NFASC: variants seen among roughly 807,000 people sequenced by gnomAD.
NFASC encodes neurofascin homolog.
NFASC carries 43 observed loss-of-function variants against 147.5 expected under a neutral mutation model. The ratio of observed to expected loss-of-function variants is 0.29; its 90% CI spans 0.23 to 0.38. The LOEUF (loss-of-function observed/expected upper bound fraction) is 0.38, where lower values mean the gene tolerates loss of function less well. Among genes scored for constraint, NFASC ranks in the 10% least tolerant of loss-of-function variants. The probability of loss-of-function intolerance (pLI) is 1.00; values close to 1 mark genes in which losing one functional copy is unlikely to be tolerated. For synonymous variants in NFASC, 622 were observed against 665.5 expected (o/e 0.93, Z 1.01); for missense variants, 1,320 against 1,689.0 (o/e 0.78, Z 3.83).
At chr1:204,962,360 C>T (rs1453405949) in intron 8 of NFASC, among the ~76,000 whole-genome samples, 1 of 152,240 alleles carries the variant, frequency 6.6e-6, no homozygotes, top group Non-Finnish European at 1.5e-5. Flanking sequence ...TCTCCTCTAA[C>T]AGGCATGCCT....
At position 204,982,023 on chromosome 1, in the gene NFASC, G is replaced by A; in HGVS notation, c.2470+3G>A. 6.5e-7 allele frequency: 1 copy of A among 1,544,030 alleles called. No individual in the cohort carries two copies. Among genetic ancestry groups the A allele is most frequent in the Middle Eastern group, 1.7e-4 (1 of 5,776 alleles). On this transcript the variant is annotated splice_donor_region_variant and intron_variant, in intron 21 of 29. Coordinates refer to ENST00000339876, the MANE Select transcript of NFASC (RefSeq NM_001005388.3). The stretch of plus-strand genomic sequence containing the variant: ...CATCGGTTACTCCGGAGAAGATTGT[G>A]AGTAGTCTCCTCCCCGTCCCCCCAT...
At chr1:204,869,749 C>T (rs923724990) in intron 1 of NFASC, among the ~76,000 whole-genome samples, 1 of 152,142 alleles carries the variant, frequency 6.6e-6, no homozygotes, top group Admixed American at 6.5e-5. Context: ...GAACCCAGGT[C>T]GCCTGCTCCA....
At chr1:204,973,708 G>T (rs769119560) in intron 12 of NFASC, among the ~76,000 whole-genome samples, 4 of 150,752 alleles carry the variant, frequency 2.7e-5, no homozygotes, top group African/African-American at 7.5e-5. Flanking sequence ...AATTCCATCA[G>T]AGCAGTCAAT....
At position 204,975,337 on chromosome 1, in the gene NFASC, A is replaced by C. The variant is rs1183557128; in HGVS notation, c.1625A>C (p.Glu542Ala). The change falls in exon 15 of 30, where the codon GAG (glutamate) becomes GCG (alanine). Residue 542 changes from glutamate (E) to alanine (A), a missense_variant. Transcript: ENST00000339876. This position sits in a 1 kb window ranked among gnomAD's most constrained non-coding sequence, Gnocchi z 4.0. Reference protein sequence around the residue: ...VARRGTTVQLECRVKHDPSLK... With the variant: ...VARRGTTVQLACRVKHDPSLK... ...AGAAGGGGCACCACGGTGCAGCTGG[A>C]GTGTCGGGTGAAGCACGACCCCTCC... 1.2e-6 allele frequency: 2 copies of C among 1,613,944 alleles called. No homozygotes were observed. The highest frequency in any genetic ancestry group is 1.7e-6 in the Non-Finnish European group (2 of 1,179,952).
intron 1 of NFASC, among the ~76,000 whole-genome samples, chr1:204,872,638 G>T (rs1047522779): frequency 1.3e-5 from 2 of 152,148 alleles, no homozygotes; most frequent in African/African-American, 4.8e-5. Context: ...CATTTGCTGT[G>T]GGAGGCTTCC....
chr1:204,968,102 T>TA lies in NFASC; in HGVS notation c.707-145dup. ...CCTGGGCTTCCTAACACACCTCACT[T>TA]AATGATGCCCAAGTCCTTGGGATGG... On this transcript the variant is annotated intron_variant, in intron 8 of 29. Coordinates refer to ENST00000339876, the MANE Select transcript of NFASC (RefSeq NM_001005388.3). The surrounding 1 kb of genome is among the most constrained non-coding windows in gnomAD (Gnocchi z 5.4). 1.6e-6 allele frequency: 1 copy of TA among 630,716 alleles called. No individual in the cohort carries two copies. Among genetic ancestry groups the TA allele is most frequent in the Non-Finnish European group, 2.9e-6 (1 of 347,542 alleles). The allele number at this position is 630,716 out of a possible 1,614,324, so 39.1% of individuals were successfully genotyped here. A position where few individuals can be genotyped will look rare whatever the true frequency, so the allele number is the denominator to read the frequency against.
intron 21 of NFASC, among the ~76,000 whole-genome samples, chr1:204,985,219 T>C (rs566431548): frequency 6.6e-6 from 1 of 152,272 alleles, no homozygotes; most frequent in African/African-American, 2.4e-5. Context: ...AATTAGAGAC[T>C]TCTTGTTGCC....
rs753662570 is a variant in NFASC at position 204,981,914 on chromosome 1, G to A, written c.2364G>A (p.Val788=). The A allele has an allele frequency of 1.2e-6, 2 of 1,609,476 alleles. No homozygotes were observed. Among genetic ancestry groups the A allele is most frequent in the South Asian group, 1.1e-5 (1 of 90,114 alleles). ...CAGTGTGGGGCTCTCGCTACGTGGT[G>A]GGGCAGACCCCAGTCTACGTGCCCT... ...NVTVWGSRYV[V]GQTPVYVPYE... The change falls in exon 21 of 30, where the codon GTG becomes GTA. Residue 788 remains valine, a synonymous_variant. Coordinates refer to ENST00000339876, the MANE Select transcript of NFASC (RefSeq NM_001005388.3).
At chr1:204,944,731 C>A in intron 3 of NFASC, 1 of 314,106 alleles carries the variant, frequency 3.2e-6, no homozygotes. Context: ...CTGCTCACCT[C>A]TCCAGGTCCT....
chr1:204,901,858 G>C (rs575303968), intron 1 of NFASC, among the ~76,000 whole-genome samples: 1 of 152,112 alleles, frequency 6.6e-6, no homozygotes, highest in Admixed American at 6.5e-5. Flanking sequence ...CAGCTCACCC[G>C]CGGTAATGGA....
chr1:205,001,223 G>A lies in NFASC; in HGVS notation c.3073G>A (p.Ala1025Thr). The change falls in exon 26 of 30, where the codon GCC becomes ACC. Residue 1025 changes from alanine to threonine, a missense_variant. By Grantham distance (58) the Ala-to-Thr change is moderately conservative. This residue lies in a region of NFASC where 172 missense variants were observed against 165.8 expected (regional missense o/e 1.04). Transcript: ENST00000339876. ...NVTVLPNSKW[A>T]NITWKHNFGP... ...CACGGTGCTCCCCAACAGTAAATGG[G>A]CCAACATCACCTGGAAGCACAATTT... 2 of 1,612,696 alleles carry A rather than the reference G, an allele frequency of 1.2e-6. No individual in the cohort carries two copies. Among genetic ancestry groups the A allele is most frequent in the Non-Finnish European group, 1.7e-6 (2 of 1,179,410 alleles).
intron 11 of NFASC, among the ~76,000 whole-genome samples, chr1:204,972,504 A>G (rs2150315018): frequency 6.6e-6 from 1 of 152,318 alleles, no homozygotes; most frequent in African/African-American, 2.4e-5. Flanking sequence ...CCCAGAGTGA[A>G]GTGTGGACCC....
At position 204,997,342 on chromosome 1, in the gene NFASC, T is replaced by C. The variant is rs1465714981; in HGVS notation, c.2955T>C (p.Ala985=). ...TTVATTTTTT[A]AATTTTESPP... ...TCGCCACAACTACTACAACCACTGC[T>C]GCCGCCACCACCACCACGGAGAGTC... The change falls in exon 25 of 30, where the codon GCT becomes GCC. Residue 985 remains alanine (A), a synonymous_variant. Coordinates refer to ENST00000339876, the MANE Select transcript of NFASC (RefSeq NM_001005388.3). 1.3e-6 allele frequency: 2 copies of C among 1,563,314 alleles called. No homozygotes were observed. Among genetic ancestry groups the C allele is most frequent in the African/African-American group, 1.4e-5 (1 of 73,270 alleles).
intron 24 of NFASC, among the ~76,000 whole-genome samples, chr1:204,992,354 G>A (rs769053640): frequency 2.6e-5 from 4 of 152,158 alleles, no homozygotes; most frequent in Non-Finnish European, 4.4e-5. Context: ...TGCCCAATTC[G>A]ATTTCCTCCT....
chr1:204,974,848 G>A (rs1460872414), intron 14 of NFASC, 25 bp downstream of exon 14: 3 of 1,610,996 alleles, frequency 1.9e-6, no homozygotes, highest in African/African-American at 2.7e-5. Flanking sequence ...TCGCCAGTGG[G>A]AGTTTGGAGA....
At chr1:204,843,619 CCTTCCTTCCTCCCT>C (rs1676049437) in intron 1 of NFASC, among the ~76,000 whole-genome samples, 1 of 84,880 alleles carries the variant, frequency 1.2e-5, no homozygotes, top group Admixed American at 1.5e-4. Context: ...TTCCTTCCTT[CCTTCCTTCCTCCCT>C]CCCTCCCTCC....
At chr1:204,903,700 A>C (rs2085156746) in intron 1 of NFASC, among the ~76,000 whole-genome samples, 1 of 152,240 alleles carries the variant, frequency 6.6e-6, no homozygotes, top group African/African-American at 2.4e-5. Flanking sequence ...GTCTCTGGCC[A>C]GGTCATGTTG....
intron 1 of NFASC, among the ~76,000 whole-genome samples, chr1:204,907,941 T>C (rs12059452): frequency 0.45 from 66,445 of 148,536 alleles, 14,992 homozygotes; most frequent in Admixed American, 0.55. Context: ...ATAATGAGAA[T>C]AAATGTGTGT....
At chr1:204,879,945 G>A (rs532818935) in intron 1 of NFASC, among the ~76,000 whole-genome samples, 4 of 152,340 alleles carry the variant, frequency 2.6e-5, no homozygotes, top group African/African-American at 9.6e-5. Context: ...GCTCTCGGCT[G>A]TGGGCACAGC....
Sources: allele counts gnomAD v4.1 joint callset (sites outside exome capture counted in the v4.1 genomes callset), GRCh38; gene constraint gnomAD v4.1.1; regional missense constraint gnomAD v4.1.1; non-coding constraint Gnocchi (gnomAD v3.1); transcripts MANE v1.5; gene names NCBI Gene and HGNC (gene_info 2026-07-23, HGNC 2026-07-21).